The following TTF2 variants were observed in gnomAD, a reference collection of about 807,000 sequenced individuals.
TTF2 encodes RNA polymerase II termination factor.
Under a neutral mutation model 142.4 loss-of-function variants are expected in TTF2, and 108 were observed. The observed-to-expected ratio is 0.76, with a 90% CI of 0.65 to 0.89. TTF2 has a LOEUF of 0.89. Ranked by LOEUF, TTF2 falls within the 40% of genes least tolerant of loss-of-function variation. TTF2 has a pLI of 0.00. For missense variants in TTF2, 1,327 were observed against 1,379.8 expected, an observed-to-expected ratio of 0.96 and a Z score of 0.61; for synonymous variants, 483 against 506.2, an observed-to-expected ratio of 0.95 and a Z score of 0.61.
intron 16 of TTF2, 148 bp from the exon 17 acceptor site, chr1:117,091,669 A>G (rs550614157): frequency 9.4e-7 from 1 of 1,064,534 alleles, no homozygotes; most frequent in African/African-American, 1.6e-5. Flanking sequence ...ATTTGGCCTA[A>G]TTGAAGTGGC....
rs1408390122 is a variant in TTF2, at chr1:117,099,161, A to G, written c.3344+254A>G. Among the ~76,000 whole-genome samples the G allele has an allele frequency of 6.6e-6, 1 of 152,114 alleles. No individual in the cohort carries two copies. The highest frequency in any genetic ancestry group is 1.5e-5 in the Non-Finnish European group (1 of 68,024). On this transcript the variant is annotated intron_variant, in intron 22 of 22. Coordinates refer to ENST00000369466, the MANE Select transcript of TTF2 (RefSeq NM_003594.4). The surrounding 1 kb of genome is among the most constrained non-coding windows in gnomAD (Gnocchi z 4.3). ...GGGCAGTCCATGAAAGGATGCTCCT[A>G]TCTTTTATTTTTCTTTTTAACTTTT...
At position 117,095,339 on chromosome 1, in the gene TTF2, A is replaced by T; in HGVS notation, c.3007A>T (p.Ile1003Phe). 1 of 1,614,174 alleles carries T rather than the reference A, an allele frequency of 6.2e-7. No individual in the cohort carries two copies. The highest frequency in any genetic ancestry group is 1.1e-5 in the South Asian group (1 of 91,088). ...ATCTCTGTTGGCAGAATTGGAGGCA[A>T]TTCAAAGAAATTCAGCATCCCAAAA... ...ISSLLAELEA[I>F]QRNSASQKSV... Residue 1003 changes from isoleucine to phenylalanine, a missense_variant, in exon 19 of 23, where the codon ATT (isoleucine) becomes TTT (phenylalanine). Ile to Phe is a conservative substitution (Grantham distance 21, BLOSUM62 0). Coordinates refer to ENST00000369466, the MANE Select transcript of TTF2 (RefSeq NM_003594.4).
chr1:117,090,719 G>T lies in TTF2; in HGVS notation c.2588+96G>T. 9.6e-7 allele frequency: 1 copy of T among 1,037,292 alleles called. No homozygotes were observed. The highest frequency in any genetic ancestry group is 1.5e-5 in the South Asian group (1 of 68,504). 64.3% of individuals were successfully genotyped at this position (1,037,292 alleles called of 1,614,324 possible). A position where few individuals can be genotyped will look rare whatever the true frequency, so the allele number is the denominator to read the frequency against. ...AGGTCAAATTTCCACAAACTTTATG[G>T]CATTATTGATTAGTTGGATGTCTGT... is the stretch of plus-strand genomic sequence containing the variant. On this transcript the variant is annotated intron_variant, in intron 15 of 22. Coordinates refer to ENST00000369466, the MANE Select transcript of TTF2 (RefSeq NM_003594.4). This position sits in a 1 kb window ranked among gnomAD's most constrained non-coding sequence, Gnocchi z 4.8.
In TTF2 at chr1:117,073,689, G is replaced by T; in HGVS notation, c.247G>T (p.Ala83Ser). The part of the protein sequence containing the change: ...RLFFRCIRSK[A>S]EGKRWCGSIP... ...GTTCTTCCGATGCATTAGAAGTAAG[G>T]CAGAGGGGAAACGCTGGTGTGGAAG... The change falls in exon 4 of 23, where the codon GCA (alanine) becomes TCA (serine). Residue 83 changes from alanine to serine, a missense_variant. Physicochemically the swap from Ala to Ser is moderately conservative, Grantham distance 99. Transcript: ENST00000369466. This position sits in a 1 kb window ranked among gnomAD's most constrained non-coding sequence, Gnocchi z 4.4. 1 of 1,612,440 alleles carries T rather than the reference G, an allele frequency of 6.2e-7. No individual in the cohort carries two copies. The highest frequency in any genetic ancestry group is 8.5e-7 in the Non-Finnish European group (1 of 1,178,860).
Position 117,086,540 on chromosome 1 carries a change from C to G in TTF2, c.2160+18C>G, listed in dbSNP as rs1648032068. Reference sequence around the variant, plus strand: ...ATGTGGAGGTGAGGCTGGGGGGCAGCCAGGGAAGTGGAGTTGGAGCCACAG... The same window carrying G: ...ATGTGGAGGTGAGGCTGGGGGGCAGGCAGGGAAGTGGAGTTGGAGCCACAG... On this transcript the variant is annotated intron_variant, in intron 12 of 22. Transcript: ENST00000369466. This position sits in a 1 kb window ranked among gnomAD's most constrained non-coding sequence, Gnocchi z 4.2. The G allele has an allele frequency of 6.3e-7, 1 of 1,591,240 alleles. No homozygotes were observed. Among genetic ancestry groups the G allele is most frequent in the Non-Finnish European group, 8.6e-7 (1 of 1,160,464 alleles).
Position 117,060,462 on chromosome 1 carries a change from C to A in TTF2, c.36C>A (p.Phe12Leu). The change falls in exon 2 of 23, where the codon TTC (phenylalanine) becomes TTA (leucine). Residue 12 changes from phenylalanine to leucine, a missense_variant. Transcript: ENST00000369466. ...EEVRCPEHGT[F>L]CFLKTGVRDG... is the part of the protein sequence containing the mutation. ...ACTTTCTTCTCTCTTCAGGGACTTT[C>A]TGCTTTCTTAAGACCGGCGTCCGCG... 3 of 1,613,816 alleles carry A rather than the reference C, an allele frequency of 1.9e-6. No homozygotes were observed. The highest frequency in any genetic ancestry group is 2.2e-5 in the South Asian group (2 of 91,038).
intron 12 of TTF2, 53 bp from the exon 13 acceptor site, chr1:117,088,748 G>A: frequency 6.3e-7 from 1 of 1,584,640 alleles, no homozygotes; most frequent in Non-Finnish European, 8.6e-7. Context: ...GTGTCCTTAA[G>A]GACATGTACA....
intron 11 of TTF2, among the ~76,000 whole-genome samples, chr1:117,084,665 C>A (rs148504308): frequency 5.1e-4 from 78 of 152,240 alleles, no homozygotes; most frequent in Non-Finnish European, 1.1e-3. Flanking sequence ...ACTATAAATT[C>A]TTGAAGAGGG....
chr1:117,095,260 A>G (rs764383315), intron 18 of TTF2, 49 bp from the exon 19 acceptor site: 1 of 1,594,928 alleles, frequency 6.3e-7, no homozygotes, highest in East Asian at 2.2e-5. Context: ...GGGGAGATGG[A>G]GAAAAGTGAA....
intron 8 of TTF2, among the ~76,000 whole-genome samples, chr1:117,078,797 G>A (rs1195672209): frequency 6.6e-6 from 1 of 152,188 alleles, no homozygotes; most frequent in Non-Finnish European, 1.5e-5. Flanking sequence ...GACTAGAAGG[G>A]GGACTCTGGT....
At position 117,079,785 on chromosome 1, in the gene TTF2, A is replaced by T; in HGVS notation, c.1783+136A>T. ...TATTCCTCATTTTACAGATGATGAA[A>T]GTGAAGCATGGAAGTGTTAAGCAAC... On this transcript the variant is annotated intron_variant, in intron 9 of 22. Transcript: ENST00000369466. The surrounding 1 kb of genome is among the most constrained non-coding windows in gnomAD (Gnocchi z 4.2). 1.2e-6 allele frequency: 1 copy of T among 854,050 alleles called. No homozygotes were observed. The highest frequency in any genetic ancestry group is 1.6e-5 in the South Asian group (1 of 60,910). The allele number at this position is 854,050 out of a possible 1,614,324, so 52.9% of individuals were successfully genotyped here.
rs553880625 is a variant in TTF2, at chr1:117,076,793, A to T, written c.1543A>T (p.Thr515Ser). 1.5e-5 allele frequency: 25 copies of T among 1,613,688 alleles called. No homozygotes were observed. Among genetic ancestry groups the T allele is most frequent in the Non-Finnish European group, 2.0e-5 (24 of 1,179,852 alleles). The change falls in exon 7 of 23, where the codon ACT becomes TCT. Residue 515 changes from threonine to serine, a missense_variant. Coordinates refer to ENST00000369466, the MANE Select transcript of TTF2 (RefSeq NM_003594.4). The surrounding 1 kb of genome is among the most constrained non-coding windows in gnomAD (Gnocchi z 4.6). The stretch of plus-strand genomic sequence containing the variant: ...AGAACTAAAGTCTGCCTGCCAGGTG[A>T]CTGCTGGAGGATCCAGTCAGTGCTA... Reference protein sequence around the residue: ...SLELKSACQVTAGGSSQCYRG... With the variant: ...SLELKSACQVSAGGSSQCYRG...
intron 3 of TTF2, among the ~76,000 whole-genome samples, chr1:117,064,058 TA>T (rs1655892457): frequency 6.6e-6 from 1 of 152,246 alleles, no homozygotes; most frequent in Non-Finnish European, 1.5e-5. Context: ...TTTTCATTTC[TA>T]AAATTTTGTC....
In TTF2 at chr1:117,092,027, A is replaced by T; in HGVS notation, c.2805+77A>T. ...GAGAAGTCAATTTCACTCTCCTCCA[A>T]CTGGAATCCAGTCTGCTTGATCAAA... is the stretch of plus-strand genomic sequence containing the variant. On this transcript the variant is annotated intron_variant, in intron 17 of 22. Transcript: ENST00000369466. This position sits in a 1 kb window ranked among gnomAD's most constrained non-coding sequence, Gnocchi z 4.4. The T allele has an allele frequency of 2.1e-6, 3 of 1,433,552 alleles. No individual in the cohort carries two copies. The highest frequency in any genetic ancestry group is 2.8e-6 in the Non-Finnish European group (3 of 1,063,942). 88.8% of individuals were successfully genotyped at this position (1,433,552 alleles called of 1,614,324 possible).
In TTF2 at chr1:117,099,161, A is replaced by T. The variant is rs1408390122; in HGVS notation, c.3344+254A>T. Among the ~76,000 whole-genome samples, 2 of 152,114 alleles carry T rather than the reference A, an allele frequency of 1.3e-5. No homozygotes were observed. Among genetic ancestry groups the T allele is most frequent in the Non-Finnish European group, 2.9e-5 (2 of 68,024 alleles). ...GGGCAGTCCATGAAAGGATGCTCCT[A>T]TCTTTTATTTTTCTTTTTAACTTTT... On this transcript the variant is annotated intron_variant, in intron 22 of 22. Coordinates refer to ENST00000369466, the MANE Select transcript of TTF2 (RefSeq NM_003594.4). This position sits in a 1 kb window ranked among gnomAD's most constrained non-coding sequence, Gnocchi z 4.3.
At chr1:117,091,774 T>G in intron 16 of TTF2, 43 bp from the exon 17 acceptor site, 2 of 1,590,546 alleles carry the variant, frequency 1.3e-6, no homozygotes, top group South Asian at 2.2e-5. Flanking sequence ...TATTTCTCTT[T>G]TAAATCCTGT....
chr1:117,084,238 C>T (rs868049553), intron 11 of TTF2, 70 bp downstream of exon 11: 1 of 1,580,000 alleles, frequency 6.3e-7, no homozygotes, highest in South Asian at 1.1e-5. Context: ...GCCTTTGCTC[C>T]CATCCCTGAG....
rs765595975 is a variant in TTF2 at position 117,075,250 on chromosome 1, A to G, written c.666A>G (p.Gln222=). The G allele has an allele frequency of 4.3e-6, 7 of 1,614,266 alleles. No individual in the cohort carries two copies. The East Asian group carries it at 1.6e-4, about 36-fold the overall frequency. The change falls in exon 5 of 23, where the codon CAA becomes CAG. Residue 222 remains glutamine (Q), a synonymous_variant. Transcript: ENST00000369466. The surrounding 1 kb of genome is among the most constrained non-coding windows in gnomAD (Gnocchi z 4.5). ...GAGACTTTTCTGAAATTAAATCTCA[A>G]CAGTGCCAAGGTAATGAGCTTACAA... ...HKRDFSEIKS[Q]QCQGNELTRP...
Position 117,095,301 on chromosome 1 carries a change from T to C in TTF2, c.2977-8T>C, listed in dbSNP as rs753677303. 7 of 1,613,934 alleles carry C rather than the reference T, an allele frequency of 4.3e-6. No individual in the cohort carries two copies. The highest frequency in any genetic ancestry group is 5.9e-6 in the Non-Finnish European group (7 of 1,179,936). On this transcript the variant is annotated splice_polypyrimidine_tract_variant and splice_region_variant and intron_variant, in intron 18 of 22. Coordinates refer to ENST00000369466, the MANE Select transcript of TTF2 (RefSeq NM_003594.4). ...TAAACATACAATGTTGATGTAACCTTTTCCCAGATTTCATCTCTGTTGGCA... is the reference window on the plus strand; with the variant it reads ...TAAACATACAATGTTGATGTAACCTCTTCCCAGATTTCATCTCTGTTGGCA...
Sources: gnomAD v4.1 joint callset for allele counts (sites outside exome capture counted in the v4.1 genomes callset) on GRCh38, gnomAD v4.1.1 for gene constraint, Gnocchi (gnomAD v3.1) non-coding constraint, MANE v1.5 for transcripts, NCBI Gene and HGNC (gene_info 2026-07-23, HGNC 2026-07-21) for gene names.